Variants in DNER observed in about 807,000 individuals in gnomAD.
DNER encodes the protein delta/notch like EGF repeat containing.
Under a neutral mutation model 78.2 loss-of-function variants are expected in DNER, and 33 were observed. That is an observed-to-expected ratio of 0.42 (90% CI 0.32 to 0.56). DNER has a LOEUF of 0.56. Among genes scored for constraint, DNER ranks in the 20% least tolerant of loss-of-function variants. The pLI, the probability that DNER is intolerant of heterozygous loss-of-function variation, is 0.11. For synonymous variants in DNER, 417 were observed against 384.8 expected, an observed-to-expected ratio of 1.08 and a Z score of -0.98; for missense variants, 918 against 975.3, an observed-to-expected ratio of 0.94 and a Z score of 0.78.
intron 1 of DNER, among the ~76,000 whole-genome samples, chr2:229,681,826 A>AC (rs1574562344): frequency 8.4e-5 from 10 of 119,504 alleles, no homozygotes; most frequent in Admixed American, 1.1e-4. Flanking sequence ...CCTCTGCCTA[A>AC]AACACACACA....
At chr2:229,662,075 C>T (rs1574549908) in intron 1 of DNER, among the ~76,000 whole-genome samples, 1 of 152,162 alleles carries the variant, frequency 6.6e-6, no homozygotes, top group South Asian at 2.1e-4. Flanking sequence ...TAATCTGGAG[C>T]ACTCAATTTA....
rs1053370081 is a variant in DNER, at chr2:229,357,914, C to T, written c.*626G>A. The T allele has an allele frequency of 2.6e-5, 4 of 152,576 alleles. No homozygotes were observed. Among genetic ancestry groups the T allele is most frequent in the Non-Finnish European group, 4.4e-5 (3 of 68,026 alleles). The allele number at this position is 152,576 out of a possible 1,614,324, so 9.5% of individuals were successfully genotyped here. A position where few individuals can be genotyped will look rare whatever the true frequency, so the allele number is the denominator to read the frequency against. On this transcript the variant is annotated 3_prime_UTR_variant, in exon 13 of 13. Transcript: ENST00000341772. ...TTTGCCTCGCTAGGCCTTTTCGTTA[C>T]GTATGTTTTTGAGGCCTAGTTCGAC...
chr2:229,658,314 C>T (rs544659186), intron 1 of DNER, among the ~76,000 whole-genome samples: 24 of 152,170 alleles, frequency 1.6e-4, no homozygotes, highest in Non-Finnish European at 2.2e-4. Context: ...TCAGTACTTC[C>T]AACTGGCATT....
chr2:229,477,307 G>GAGCC, intron 6 of DNER, 54 bp from the exon 7 acceptor site: 1 of 1,367,348 alleles, frequency 7.3e-7, no homozygotes, highest in Non-Finnish European at 1.0e-6. Context: ...GACCCACCAT[G>GAGCC]AGCCACTCTA....
intron 1 of DNER, among the ~76,000 whole-genome samples, chr2:229,644,334 C>CTTTT (rs5839345): frequency 4.2e-4 from 41 of 97,540 alleles, no homozygotes; most frequent in African/African-American, 1.7e-3. Flanking sequence ...CTTGCTTTCT[C>CTTTT]TTTTTTTTTT....
intron 6 of DNER, among the ~76,000 whole-genome samples, chr2:229,487,440 G>A (rs978248294): frequency 3.3e-5 from 5 of 152,162 alleles, no homozygotes; most frequent in South Asian, 4.1e-4. Context: ...TGATGATTCC[G>A]AAGAGGAAGA....
chr2:229,661,472 A>G (rs555511840), intron 1 of DNER, among the ~76,000 whole-genome samples: 123 of 152,318 alleles, frequency 8.1e-4, no homozygotes, highest in African/African-American at 2.9e-3. Flanking sequence ...TTAACTCACC[A>G]TTAGGAATTA....
chr2:229,699,908 G>A (rs565439997), intron 1 of DNER, among the ~76,000 whole-genome samples: 4 of 152,048 alleles, frequency 2.6e-5, no homozygotes, highest in South Asian at 2.1e-4. Flanking sequence ...GAGCATAAGC[G>A]AAGTCAAATG....
intron 1 of DNER, among the ~76,000 whole-genome samples, chr2:229,695,487 C>G (rs541632960): frequency 6.6e-6 from 1 of 152,312 alleles, no homozygotes; most frequent in South Asian, 2.1e-4. Flanking sequence ...GGCATTAATG[C>G]TCTGGTGGAG....
chr2:229,437,760 A>T (rs1416135346), intron 8 of DNER, among the ~76,000 whole-genome samples: 1 of 152,248 alleles, frequency 6.6e-6, no homozygotes. Flanking sequence ...ACAAAAGTCA[A>T]ATATGAAAAG....
At chr2:229,426,366 A>G (rs1320791041) in intron 8 of DNER, among the ~76,000 whole-genome samples, 1 of 145,822 alleles carries the variant, frequency 6.9e-6, no homozygotes, top group East Asian at 2.1e-4. Flanking sequence ...GCGTGAACCC[A>G]GGAGGCAGAG....
At chr2:229,384,949 C>T (rs760489407) in intron 11 of DNER, among the ~76,000 whole-genome samples, 5 of 151,926 alleles carry the variant, frequency 3.3e-5, no homozygotes, top group South Asian at 2.1e-4. Context: ...CTGGAAGAGA[C>T]GCAACAAAAA....
At chr2:229,590,981 C>G (rs1262535897) in intron 2 of DNER, among the ~76,000 whole-genome samples, 2 of 152,198 alleles carry the variant, frequency 1.3e-5, no homozygotes, top group Non-Finnish European at 2.9e-5. Context: ...TGCCCTCACT[C>G]TTGCCATGTG....
chr2:229,565,705 C>A (rs559286579), intron 4 of DNER, among the ~76,000 whole-genome samples: 1 of 152,242 alleles, frequency 6.6e-6, no homozygotes, highest in South Asian at 2.1e-4. Flanking sequence ...TTTCTTATTG[C>A]CTGTAAGAAC....
chr2:229,603,412 T>C (rs1559179805), intron 1 of DNER, among the ~76,000 whole-genome samples: 1 of 151,782 alleles, frequency 6.6e-6, no homozygotes, highest in African/African-American at 2.4e-5. Context: ...TAAAGTATAA[T>C]AAAAACAAAA....
chr2:229,552,299 C>T (rs545071411), intron 4 of DNER, among the ~76,000 whole-genome samples: 1 of 152,334 alleles, frequency 6.6e-6, no homozygotes, highest in African/African-American at 2.4e-5. Flanking sequence ...AATTAACCTA[C>T]AGGCAGGTGT....
chr2:229,358,564 T>G lies in DNER; in HGVS notation c.2190A>C (p.Thr730=), dbSNP rs748306265. 6.2e-6 allele frequency: 10 copies of G among 1,611,954 alleles called. No homozygotes were observed. The East Asian group carries it at 1.8e-4, about 29-fold the overall frequency. The part of the protein sequence containing the change: ...DYSPDDKPLV[T]LIKTKDL The stretch of plus-strand genomic sequence containing the variant: ...ATTACAAATCTTTAGTTTTAATCAG[T>G]GTGACCAAGGGTTTGTCATCAGGAC... Residue 730 remains threonine, a synonymous_variant, in exon 13 of 13, where the codon ACA becomes ACC. Coordinates refer to ENST00000341772, the MANE Select transcript of DNER (RefSeq NM_139072.4).
chr2:229,410,168 C>A (rs1328159476), intron 9 of DNER, among the ~76,000 whole-genome samples: 1 of 152,176 alleles, frequency 6.6e-6, no homozygotes, highest in African/African-American at 2.4e-5. Context: ...AATCCAAACA[C>A]CCTCTCTCTG....
intron 12 of DNER, among the ~76,000 whole-genome samples, chr2:229,363,206 A>G (rs942402148): frequency 6.6e-6 from 1 of 152,154 alleles, no homozygotes; most frequent in African/African-American, 2.4e-5. Context: ...CAACCCTACT[A>G]GGAGTTACAA....
Sources: gnomAD v4.1 joint callset for allele counts (sites outside exome capture counted in the v4.1 genomes callset) on GRCh38, gnomAD v4.1.1 for gene constraint, MANE v1.5 for transcripts, NCBI Gene and HGNC (gene_info 2026-07-23, HGNC 2026-07-21) for gene names.